The following B4GALNT3 variants were observed in gnomAD, a reference collection of about 807,000 sequenced individuals.
B4GALNT3 encodes the protein beta-1,4-N-acetylgalactosaminyltransferase 3.
B4GALNT3 carries 86 observed loss-of-function variants against 120.2 expected under a neutral mutation model. That is an observed-to-expected ratio of 0.72 (90% CI 0.60 to 0.86). The LOEUF (loss-of-function observed/expected upper bound fraction) is 0.86. Among genes scored for constraint, B4GALNT3 ranks in the 40% least tolerant of loss-of-function variants. The pLI is 0.00. For synonymous variants in B4GALNT3, 518 were observed against 510.4 expected (o/e 1.01, Z -0.20); for missense variants, 1,167 against 1,298.9 (o/e 0.90, Z 1.56).
intron 3 of B4GALNT3, among the ~76,000 whole-genome samples, chr12:538,064 C>A (rs1255752159): frequency 6.6e-6 from 1 of 152,192 alleles, no homozygotes. Context: ...CTTTACAGAT[C>A]ATTTGGTCTG....
At chr12:537,740 T>C (rs1479470574) in intron 3 of B4GALNT3, among the ~76,000 whole-genome samples, 1 of 152,240 alleles carries the variant, frequency 6.6e-6, no homozygotes, top group Admixed American at 6.5e-5. Flanking sequence ...GTCTTTAGTC[T>C]CGAGGCCCTG....
chr12:465,131 G>A (rs956216231), intron 1 of B4GALNT3, among the ~76,000 whole-genome samples: 3 of 152,206 alleles, frequency 2.0e-5, no homozygotes, highest in African/African-American at 7.2e-5. Context: ...GGCAGGGACT[G>A]TGTCTCATGC....
In B4GALNT3 at chr12:552,055, A is replaced by G; in HGVS notation, c.1108-8A>G. ...TCTTACTCCTGCTGCTGATTTTTCC[A>G]CTTCCAGGTTCATCTGTCTTTTGTT... On this transcript the variant is annotated splice_polypyrimidine_tract_variant and splice_region_variant and intron_variant, in intron 11 of 19. Coordinates refer to ENST00000266383, the MANE Select transcript of B4GALNT3 (RefSeq NM_173593.4). 1 of 1,583,720 alleles carries G rather than the reference A, an allele frequency of 6.3e-7. No individual in the cohort carries two copies.
At chr12:497,980 A>G (rs1250027561) in intron 1 of B4GALNT3, among the ~76,000 whole-genome samples, 1 of 151,974 alleles carries the variant, frequency 6.6e-6, no homozygotes, top group Non-Finnish European at 1.5e-5. Flanking sequence ...GTCTCTTCTG[A>G]TGCCTCCCCA....
At chr12:545,695 G>GGAGGAGC (rs1215605454) in intron 6 of B4GALNT3, among the ~76,000 whole-genome samples, 5 of 144,006 alleles carry the variant, frequency 3.5e-5, no homozygotes, top group Admixed American at 6.8e-5. Flanking sequence ...CGAGGTGTGG[G>GGAGGAGC]GAGGAGTGAG....
intron 13 of B4GALNT3, chr12:552,930 C>T (rs1947102039): frequency 7.5e-6 from 4 of 530,740 alleles, no homozygotes; most frequent in South Asian, 2.4e-5. Context: ...ATGCACCTGC[C>T]GGGCATGTGA....
chr12:517,732 T>C (rs1405780504), intron 1 of B4GALNT3, among the ~76,000 whole-genome samples: 1 of 149,646 alleles, frequency 6.7e-6, no homozygotes, highest in African/African-American at 2.4e-5. Flanking sequence ...ATCAAACCCA[T>C]CCTTCCTGCA....
At position 546,640 on chromosome 12, in the gene B4GALNT3, C is replaced by T. The variant is rs1444804110; in HGVS notation, c.640-6C>T. 1.3e-6 allele frequency: 2 copies of T among 1,551,260 alleles called. No individual in the cohort carries two copies. Among genetic ancestry groups the T allele is most frequent in the Admixed American group, 3.9e-5 (2 of 50,996 alleles). ...CTCCCTCCTCTTCTCTCTTCCACAC[C>T]TCTAGACTGGAAAGGAGTGGACCGC... On this transcript the variant is annotated splice_polypyrimidine_tract_variant and splice_region_variant and intron_variant, in intron 6 of 19. Transcript: ENST00000266383.
intron 1 of B4GALNT3, among the ~76,000 whole-genome samples, chr12:469,970 A>G (rs4980921): frequency 0.96 from 145,890 of 152,140 alleles, 70,270 homozygotes; most frequent in East Asian, 1. Context: ...TACACCGTGC[A>G]TGGCCAGTGT....
chr12:551,058 A>G, intron 11 of B4GALNT3, 27 bp downstream of exon 11: 2 of 1,557,110 alleles, frequency 1.3e-6, no homozygotes, highest in Non-Finnish European at 8.8e-7. Context: ...GGTCATGGAG[A>G]GCAGGGCTGG....
chr12:498,271 G>A (rs1441807122), intron 1 of B4GALNT3, among the ~76,000 whole-genome samples: 1 of 152,012 alleles, frequency 6.6e-6, no homozygotes, highest in Non-Finnish European at 1.5e-5. Context: ...AGGTGATTTT[G>A]AATGAGATGC....
intron 16 of B4GALNT3, 84 bp downstream of exon 16, chr12:557,845 G>A: frequency 6.6e-7 from 1 of 1,513,730 alleles, no homozygotes; most frequent in Non-Finnish European, 8.9e-7. Context: ...GTAGAGCCAG[G>A]AGTCCTGCCC....
At chr12:483,205 C>T (rs61916617) in intron 1 of B4GALNT3, among the ~76,000 whole-genome samples, 10,911 of 152,172 alleles carry the variant, frequency 0.072, 458 homozygotes, top group East Asian at 0.21. Flanking sequence ...CCAGGATGCA[C>T]GGTTGTAGGT....
rs140817668 is a variant in B4GALNT3 at position 507,350 on chromosome 12, C to T, written c.170-27816C>T. ...CACCCTTTTAACTCACCACAGTGTT[C>T]TGTTGAGTGGCTTTACCCCATCATT... On this transcript the variant is annotated intron_variant, in intron 1 of 19. Coordinates refer to ENST00000266383, the MANE Select transcript of B4GALNT3 (RefSeq NM_173593.4). 5.0e-3 allele frequency among the ~76,000 whole-genome samples: 762 copies of T among 152,300 alleles called. 5 individuals are homozygous for T. The highest frequency in any genetic ancestry group is 8.2e-3 in the Non-Finnish European group (555 of 68,022).
At chr12:524,731 C>G (rs1592041014) in intron 1 of B4GALNT3, among the ~76,000 whole-genome samples, 1 of 152,036 alleles carries the variant, frequency 6.6e-6, no homozygotes, top group African/African-American at 2.4e-5. Context: ...CAGATATGCA[C>G]TCTCCTTACC....
chr12:479,906 T>G (rs1592014369), intron 1 of B4GALNT3, among the ~76,000 whole-genome samples: 2 of 118,028 alleles, frequency 1.7e-5, no homozygotes, highest in African/African-American at 3.1e-5. Flanking sequence ...CCAACCAGGA[T>G]GGGGAGTTCT....
At chr12:509,828 C>G (rs1050548218) in intron 1 of B4GALNT3, among the ~76,000 whole-genome samples, 3 of 152,182 alleles carry the variant, frequency 2.0e-5, no homozygotes, top group Non-Finnish European at 4.4e-5. Context: ...GTGCCATGCT[C>G]AGCAAGGCAG....
intron 14 of B4GALNT3, chr12:555,404 A>G: frequency 2.2e-6 from 1 of 456,600 alleles, no homozygotes; most frequent in South Asian, 1.6e-5. Flanking sequence ...TTCGTGTTGT[A>G]GAATCTATTA....
chr12:535,985 G>A (rs1243203832), intron 2 of B4GALNT3, among the ~76,000 whole-genome samples: 1 of 152,210 alleles, frequency 6.6e-6, no homozygotes, highest in Non-Finnish European at 1.5e-5. Flanking sequence ...CTGACCTAAA[G>A]AGGGTAAACT....
Sources: gnomAD v4.1 joint callset for allele counts (sites outside exome capture counted in the v4.1 genomes callset) on GRCh38, gnomAD v4.1.1 for gene constraint, MANE v1.5 for transcripts, NCBI Gene and HGNC (gene_info 2026-07-23, HGNC 2026-07-21) for gene names.